The following COL4A6 variants were observed in gnomAD, a reference collection of about 807,000 sequenced individuals.
COL4A6 encodes the protein collagen alpha-6(IV) chain.
COL4A6 carries 59 observed loss-of-function variants against 126.7 expected under a neutral mutation model. The ratio of observed to expected loss-of-function variants is 0.47; its 90% CI spans 0.38 to 0.58. The LOEUF (loss-of-function observed/expected upper bound fraction) is 0.58, where lower values mean the gene tolerates loss of function less well. COL4A6 is among the 20% of genes least tolerant of loss of function. The probability of loss-of-function intolerance (pLI) is 0.00; values close to 1 mark genes in which losing one functional copy is unlikely to be tolerated. For synonymous variants in COL4A6, 547 were observed against 496.6 expected, an observed-to-expected ratio of 1.10 and a Z score of -1.35; for missense variants, 1,285 against 1,337.3, an observed-to-expected ratio of 0.96 and a Z score of 0.61.
At chrX:108,365,410 A>G (rs1288563022) in intron 2 of COL4A6, among the ~76,000 whole-genome samples, 1 of 111,860 alleles carries the variant, frequency 8.9e-6, no homozygotes, top group African/African-American at 3.3e-5. Context: ...TTAGACCTTG[A>G]GTCCCTTTAG....
chrX:108,185,858 A>G (rs1250202217), intron 23 of COL4A6, among the ~76,000 whole-genome samples: 3 of 112,185 alleles, frequency 2.7e-5, no homozygotes, highest in Admixed American at 1.9e-4. Context: ...GGAAAGCTTA[A>G]TGGAAGAAGT....
At chrX:108,318,207 A>G (rs912958713) in intron 2 of COL4A6, among the ~76,000 whole-genome samples, 13 of 111,640 alleles carry the variant, frequency 1.2e-4, no homozygotes, top group Admixed American at 8.6e-4. Context: ...TAAATTAGGT[A>G]TTGATGGGAC....
At chrX:108,248,151 T>C (rs139378149) in intron 3 of COL4A6, among the ~76,000 whole-genome samples, 2,264 of 111,410 alleles carry the variant, frequency 0.02, 21 homozygotes, top group Non-Finnish European at 0.033. Flanking sequence ...TCAGAACTAT[T>C]TTGTTCATTG....
chrX:108,380,441 C>G (rs1462534964), intron 2 of COL4A6, among the ~76,000 whole-genome samples: 1 of 112,397 alleles, frequency 8.9e-6, no homozygotes, highest in Non-Finnish European at 1.9e-5. Context: ...GCGTTGTTTA[C>G]TGAGCTTTAA....
chrX:108,319,194 T>C (rs891985794), intron 2 of COL4A6, among the ~76,000 whole-genome samples: 1 of 111,737 alleles, frequency 8.9e-6, no homozygotes, highest in African/African-American at 3.3e-5. Context: ...CTGGGCAACA[T>C]GGTGATACCC....
At chrX:108,367,987 G>A (rs1401060905) in intron 2 of COL4A6, among the ~76,000 whole-genome samples, 2 of 108,191 alleles carry the variant, frequency 1.8e-5, no homozygotes, top group African/African-American at 6.7e-5. Flanking sequence ...AATTTAATAT[G>A]TATCTAAGGT....
At chrX:108,316,877 A>G (rs1211515510) in intron 2 of COL4A6, among the ~76,000 whole-genome samples, 3 of 112,515 alleles carry the variant, frequency 2.7e-5, no homozygotes, top group Non-Finnish European at 5.6e-5. Context: ...GATGGGATAC[A>G]TGGTAAAGCC....
At chrX:108,210,362 C>T (rs2035667682) in intron 7 of COL4A6, among the ~76,000 whole-genome samples, 1 of 112,225 alleles carries the variant, frequency 8.9e-6, no homozygotes, top group Non-Finnish European at 1.9e-5. Context: ...AAGCTACCTT[C>T]CTGTGTGCCT....
intron 2 of COL4A6, among the ~76,000 whole-genome samples, chrX:108,336,665 A>C (rs1309053508): frequency 9.0e-6 from 1 of 111,523 alleles, no homozygotes; most frequent in Non-Finnish European, 1.9e-5. Flanking sequence ...CACAATAAAA[A>C]TCAATCAATT....
chrX:108,319,506 G>A (rs1689344789), intron 2 of COL4A6, among the ~76,000 whole-genome samples: 1 of 112,222 alleles, frequency 8.9e-6, no homozygotes, highest in South Asian at 3.7e-4. Context: ...AGAGGGAGTA[G>A]CCAGTGAGAT....
At chrX:108,169,115 T>C (rs2034217865) in intron 37 of COL4A6, among the ~76,000 whole-genome samples, 2 of 111,257 alleles carry the variant, frequency 1.8e-5, no homozygotes, top group Admixed American at 9.5e-5. Flanking sequence ...CCCAGGGCCC[T>C]GGGAGTGCCA....
intron 3 of COL4A6, among the ~76,000 whole-genome samples, chrX:108,222,456 T>C (rs1365167549): frequency 8.9e-6 from 1 of 112,161 alleles, no homozygotes; most frequent in Non-Finnish European, 1.9e-5. Flanking sequence ...CCCTTTACTG[T>C]TCACCTTCAA....
chrX:108,367,022 T>A (rs921118705), intron 2 of COL4A6, among the ~76,000 whole-genome samples: 4 of 112,256 alleles, frequency 3.6e-5, no homozygotes, highest in Non-Finnish European at 7.5e-5. Flanking sequence ...AGACTTAATT[T>A]GAAGCTCTAC....
At chrX:108,187,698 G>A (rs2034911463) in intron 22 of COL4A6, 150 bp downstream of exon 22, 1 of 489,874 alleles carries the variant, frequency 2.0e-6, no homozygotes, top group Admixed American at 3.6e-5. Context: ...TAAAGGAAAA[G>A]CAAAAAGCAA....
intron 2 of COL4A6, among the ~76,000 whole-genome samples, chrX:108,390,059 C>T (rs1223253609): frequency 8.9e-6 from 1 of 112,024 alleles, no homozygotes; most frequent in African/African-American, 3.2e-5. Flanking sequence ...TATTGGCCTT[C>T]ACTTTCTTCT....
At chrX:108,301,010 C>G (rs1383736171) in intron 3 of COL4A6, among the ~76,000 whole-genome samples, 2 of 112,498 alleles carry the variant, frequency 1.8e-5, no homozygotes, top group Non-Finnish European at 3.8e-5. Context: ...GATAGTGAAG[C>G]AAATTTCTGC....
intron 3 of COL4A6, among the ~76,000 whole-genome samples, chrX:108,282,585 G>A (rs912130585): frequency 3.6e-5 from 4 of 110,816 alleles, no homozygotes; most frequent in African/African-American, 6.6e-5. Context: ...GGAAGTCAGT[G>A]TGGTGATTCC....
chrX:108,379,109 A>G (rs2040506930), intron 2 of COL4A6, among the ~76,000 whole-genome samples: 1 of 112,352 alleles, frequency 8.9e-6, no homozygotes, highest in Non-Finnish European at 1.9e-5. Flanking sequence ...TTAAAAAATT[A>G]CTGCAATTGG....
At chrX:108,432,187 A>G (rs753471099) in intron 2 of COL4A6, among the ~76,000 whole-genome samples, 1 of 111,818 alleles carries the variant, frequency 8.9e-6, no homozygotes, top group Non-Finnish European at 1.9e-5. Flanking sequence ...GTCTTTATAC[A>G]TTTTCCTTTT....
Sources: gnomAD v4.1 joint callset for allele counts (sites outside exome capture counted in the v4.1 genomes callset) on GRCh38, gnomAD v4.1.1 for gene constraint, MANE v1.5 for transcripts, NCBI Gene and HGNC (gene_info 2026-07-23, HGNC 2026-07-21) for gene names.